Variants in AFDN observed in about 807,000 individuals in gnomAD.
AFDN encodes the protein afadin, adherens junction formation factor.
In AFDN, 68 loss-of-function variants were observed where a neutral mutation model predicts 216.6. That is an observed-to-expected ratio of 0.31 (90% CI 0.26 to 0.38). The LOEUF (loss-of-function observed/expected upper bound fraction) is 0.38. AFDN is among the 10% of genes least tolerant of loss of function. AFDN has a pLI of 1.00. For missense variants in AFDN, 2,136 were observed against 2,342.0 expected, an observed-to-expected ratio of 0.91 and a Z score of 1.82; for synonymous variants, 868 against 853.7, an observed-to-expected ratio of 1.02 and a Z score of -0.29.
intron 5 of AFDN, among the ~76,000 whole-genome samples, chr6:167,878,711 T>A (rs1785731237): frequency 6.6e-6 from 1 of 152,176 alleles, no homozygotes; most frequent in Non-Finnish European, 1.5e-5. Flanking sequence ...TGGGAAGTCC[T>A]GTATGATCTG....
chr6:167,915,270 T>A lies in AFDN; in HGVS notation c.2402T>A (p.Ile801Asn), dbSNP rs746942013. The A allele has an allele frequency of 6.2e-7, 1 of 1,614,254 alleles. No individual in the cohort carries two copies. Among genetic ancestry groups the A allele is most frequent in the South Asian group, 1.1e-5 (1 of 91,086 alleles). The stretch of plus-strand genomic sequence containing the variant: ...CTCTTCTCTCAGCTCTTCCACTTCA[T>A]CAATATGTGGCTGTTCAATAGATTG... ...IQLFSQLFHF[I>N]NMWLFNRLVT... The change falls in exon 19 of 34, where the codon ATC becomes AAC. Residue 801 changes from isoleucine (I) to asparagine (N), a missense_variant. Ile to Asn is a moderately radical substitution (Grantham distance 149). Around this residue, in one of 8 missense-constraint regions of AFDN, gnomAD observed 817 missense variants for 965.7 expected, o/e 0.85. Transcript: ENST00000683244.
intron 12 of AFDN, among the ~76,000 whole-genome samples, chr6:167,902,752 G>C (rs1353431802): frequency 1.3e-5 from 2 of 152,200 alleles, no homozygotes; most frequent in Non-Finnish European, 2.9e-5. Flanking sequence ...TCGGACTGCA[G>C]CTTACCACAG....
chr6:167,827,358 C>T (rs1310489049), intron 1 of AFDN, 121 bp downstream of exon 1: 2 of 159,068 alleles, frequency 1.3e-5, no homozygotes, highest in Non-Finnish European at 2.5e-5. Context: ...CCCCCTCCGC[C>T]CCTTCTCTCC....
At chr6:167,833,593 A>G (rs146299105) in intron 1 of AFDN, among the ~76,000 whole-genome samples, 43 of 152,284 alleles carry the variant, frequency 2.8e-4, no homozygotes, top group African/African-American at 1.0e-3. Flanking sequence ...GGTACTTTCC[A>G]TTGTGGTCTA....
intron 6 of AFDN, among the ~76,000 whole-genome samples, chr6:167,884,487 G>A (rs1353883056): frequency 6.6e-6 from 1 of 152,180 alleles, no homozygotes; most frequent in Non-Finnish European, 1.5e-5. Context: ...CAGAGTGGGT[G>A]TTGCTTTAGT....
chr6:167,948,022 G>A, intron 28 of AFDN, 78 bp downstream of exon 28: 1 of 1,108,114 alleles, frequency 9.0e-7, no homozygotes, highest in East Asian at 2.4e-5. Flanking sequence ...CAGTTATCTA[G>A]TACAATTTTT....
rs138400873 is a variant in AFDN at position 167,896,962 on chromosome 6, A to G, written c.1307A>G (p.Asn436Ser). ...GTTGGGACAGAAAAGTTGGATGACA[A>G]CTCTATCCAGGTACGTAGTCTGAGC... is the stretch of plus-strand genomic sequence containing the variant. The part of the protein sequence containing the change: ...TEVGTEKLDD[N>S]SIQLFGPGIQ... Residue 436 changes from asparagine (N) to serine (S), a missense_variant, in exon 10 of 34, where the codon AAC becomes AGC. Around this residue, in one of 8 missense-constraint regions of AFDN, gnomAD observed 817 missense variants for 965.7 expected, o/e 0.85. Transcript: ENST00000683244. 1.5e-5 allele frequency: 24 copies of G among 1,607,624 alleles called. No individual in the cohort carries two copies. Among genetic ancestry groups the G allele is most frequent in the African/African-American group, 1.2e-4 (9 of 74,766 alleles).
chr6:167,879,389 G>A (rs1485533693), intron 5 of AFDN, among the ~76,000 whole-genome samples: 2 of 152,172 alleles, frequency 1.3e-5, no homozygotes, highest in Non-Finnish European at 2.9e-5. Flanking sequence ...TAGAATCATG[G>A]AAATTAAGAA....
At chr6:167,887,540 C>A (rs1787014738) in intron 6 of AFDN, among the ~76,000 whole-genome samples, 1 of 151,442 alleles carries the variant, frequency 6.6e-6, no homozygotes, top group Admixed American at 6.6e-5. Flanking sequence ...ACTGCAACTT[C>A]CGCCTCTTGG....
intron 23 of AFDN, among the ~76,000 whole-genome samples, chr6:167,926,012 G>T (rs1054660802): frequency 2.6e-5 from 4 of 152,216 alleles, no homozygotes; most frequent in African/African-American, 9.6e-5. Context: ...CAATATGATA[G>T]AAGTGCCTTC....
intron 23 of AFDN, among the ~76,000 whole-genome samples, chr6:167,927,588 C>T (rs1018616963): frequency 6.6e-6 from 1 of 152,180 alleles, no homozygotes; most frequent in Non-Finnish European, 1.5e-5. Context: ...GGCATCTGTT[C>T]AGGAGTTCGT....
intron 23 of AFDN, among the ~76,000 whole-genome samples, chr6:167,930,553 A>G (rs1427533724): frequency 1.3e-5 from 2 of 152,190 alleles, no homozygotes; most frequent in East Asian, 1.9e-4. Flanking sequence ...GGCTCAGCCC[A>G]GTTTGGGCTG....
intron 23 of AFDN, among the ~76,000 whole-genome samples, chr6:167,926,685 T>C (rs1792578855): frequency 6.6e-6 from 1 of 152,196 alleles, no homozygotes; most frequent in Non-Finnish European, 1.5e-5. Context: ...GTCCTCCCAC[T>C]TCGGCCTCCC....
rs201089945 is a variant in AFDN, at chr6:167,943,921, G to A, written c.3240-20G>A. 106 of 1,607,108 alleles carry A rather than the reference G, an allele frequency of 6.6e-5. No homozygotes were observed. In the African/African-American group the frequency reaches 1.2e-3, roughly 18 times the overall value. On this transcript the variant is annotated intron_variant, in intron 25 of 33. Coordinates refer to ENST00000683244, the MANE Select transcript of AFDN (RefSeq NM_001386888.1). ...CACTGCGTTTTAGTCTTTCTTACAT[G>A]TGTAATCTTCTTCTCCTAGGGCGGC...
At chr6:167,871,460 T>A (rs1274483512) in intron 3 of AFDN, among the ~76,000 whole-genome samples, 3 of 152,224 alleles carry the variant, frequency 2.0e-5, no homozygotes, top group Non-Finnish European at 4.4e-5. Context: ...TATCTATGAA[T>A]CAAATGGCAG....
Position 167,891,048 on chromosome 6 carries a change from C to T in AFDN, c.1177+19C>T. The T allele has an allele frequency of 6.4e-7, 1 of 1,557,696 alleles. No homozygotes were observed. The highest frequency in any genetic ancestry group is 8.7e-7 in the Non-Finnish European group (1 of 1,151,842). On this transcript the variant is annotated intron_variant, in intron 8 of 33. Coordinates refer to ENST00000683244, the MANE Select transcript of AFDN (RefSeq NM_001386888.1). Reference sequence around the variant, plus strand: ...AGCCCAGGTGAGAAAACTGGTCACACCAGCACACATTATTAATGTGCATTT... The same window carrying T: ...AGCCCAGGTGAGAAAACTGGTCACATCAGCACACATTATTAATGTGCATTT...
At position 167,927,643 on chromosome 6, in the gene AFDN, G is replaced by A. The variant is rs141832683; in HGVS notation, c.3099+2552G>A. On this transcript the variant is annotated intron_variant, in intron 23 of 33. Coordinates refer to ENST00000683244, the MANE Select transcript of AFDN (RefSeq NM_001386888.1). ...TTAGCGTATGGGTTGAAGGTGATGC[G>A]TGGGGCATAGTAAGCTGCCTCTCAG... Among the ~76,000 whole-genome samples, 1,104 of 152,242 alleles carry A rather than the reference G, an allele frequency of 7.3e-3. 17 individuals are homozygous for A. Among genetic ancestry groups the A allele is most frequent in the African/African-American group, 0.024 (1,013 of 41,538 alleles).
intron 31 of AFDN, chr6:167,963,471 T>A: frequency 9.5e-7 from 1 of 1,053,036 alleles, no homozygotes; most frequent in African/African-American, 1.7e-5. Flanking sequence ...ACTATATTAA[T>A]AGAACAGTGT....
intron 6 of AFDN, among the ~76,000 whole-genome samples, chr6:167,885,369 A>G (rs1306716619): frequency 3.3e-5 from 5 of 152,116 alleles, no homozygotes; most frequent in Non-Finnish European, 5.9e-5. Flanking sequence ...CTTTCTCACT[A>G]TGTTTAATCA....
Sources: allele counts gnomAD v4.1 joint callset (sites outside exome capture counted in the v4.1 genomes callset), GRCh38; gene constraint gnomAD v4.1.1; regional missense constraint gnomAD v4.1.1; transcripts MANE v1.5; gene names NCBI Gene and HGNC (gene_info 2026-07-23, HGNC 2026-07-21).